PPP2R2B: variants seen among roughly 807,000 people sequenced by gnomAD.
PPP2R2B encodes serine/threonine-protein phosphatase 2A 55 kDa regulatory subunit B beta isoform.
PPP2R2B carries 5 observed loss-of-function variants against 46.0 expected under a neutral mutation model. The ratio of observed to expected loss-of-function variants is 0.11; its 90% confidence interval spans 0.06 to 0.23. The LOEUF (loss-of-function observed/expected upper bound fraction) is 0.23, where lower values mean the gene tolerates loss of function less well. Ranked by LOEUF, PPP2R2B falls within the 10% of genes least tolerant of loss-of-function variation. PPP2R2B has a pLI of 1.00. For synonymous variants in PPP2R2B, 215 were observed against 206.7 expected, an observed-to-expected ratio of 1.04 and a Z score of -0.34; for missense variants, 367 against 575.0, an observed-to-expected ratio of 0.64 and a Z score of 3.70.
chr5:146,952,354 C>T (rs1030130085), intron 1 of PPP2R2B, among the ~76,000 whole-genome samples: 22 of 152,048 alleles, frequency 1.4e-4, no homozygotes, highest in Admixed American at 4.6e-4. Context: ...GCTGGGGCAC[C>T]TCTTTTCCAT....
chr5:146,799,304 T>C (rs2151303349), intron 2 of PPP2R2B, among the ~76,000 whole-genome samples: 1 of 152,284 alleles, frequency 6.6e-6, no homozygotes, highest in African/African-American at 2.4e-5. Context: ...AGAATGAATA[T>C]GAAAGATTTG....
intron 2 of PPP2R2B, among the ~76,000 whole-genome samples, chr5:146,873,150 T>G (rs1377508939): frequency 6.6e-6 from 1 of 152,226 alleles, no homozygotes; most frequent in Non-Finnish European, 1.5e-5. Flanking sequence ...TCCATTTTCA[T>G]GGCAAAATTC....
At chr5:146,942,085 C>T (rs1764339986) in intron 1 of PPP2R2B, among the ~76,000 whole-genome samples, 1 of 152,120 alleles carries the variant, frequency 6.6e-6, no homozygotes, top group Non-Finnish European at 1.5e-5. Flanking sequence ...TGGATCAGGG[C>T]CCACTCTAAT....
chr5:146,791,388 T>A (rs1325798606), intron 2 of PPP2R2B, among the ~76,000 whole-genome samples: 1 of 152,134 alleles, frequency 6.6e-6, no homozygotes, highest in Non-Finnish European at 1.5e-5. Context: ...TTCAGCCCAA[T>A]CTGCTGTGTG....
intron 1 of PPP2R2B, among the ~76,000 whole-genome samples, chr5:146,983,176 A>T (rs1379651275): frequency 9.6e-4 from 78 of 80,854 alleles, no homozygotes; most frequent in Admixed American, 2.4e-3. Flanking sequence ...TTTCCAGAGC[A>T]TTTTTTTTTT....
At chr5:146,883,796 G>A (rs764425508) in intron 1 of PPP2R2B, among the ~76,000 whole-genome samples, 1 of 152,114 alleles carries the variant, frequency 6.6e-6, no homozygotes. Flanking sequence ...TTTAATCTGG[G>A]AAAAGAAAAG....
intron 2 of PPP2R2B, among the ~76,000 whole-genome samples, chr5:147,074,896 G>A (rs1757715222): frequency 1.3e-5 from 2 of 152,244 alleles, no homozygotes; most frequent in East Asian, 1.9e-4. Context: ...AGGAAAAAAT[G>A]TGATGCCCAT....
At chr5:146,843,088 G>A (rs977312307) in intron 2 of PPP2R2B, among the ~76,000 whole-genome samples, 1 of 152,230 alleles carries the variant, frequency 6.6e-6, no homozygotes, top group Admixed American at 6.5e-5. Context: ...TCGGAAGGCC[G>A]AGGCAGGAGA....
chr5:146,609,570 CATCT>C (rs1477098170), intron 7 of PPP2R2B, among the ~76,000 whole-genome samples: 18 of 151,502 alleles, frequency 1.2e-4, no homozygotes, highest in South Asian at 2.1e-4. Context: ...TCTGCATTTC[CATCT>C]GAGGTACCGG....
intron 2 of PPP2R2B, among the ~76,000 whole-genome samples, chr5:146,816,118 T>A (rs956148829): frequency 1.1e-4 from 16 of 152,182 alleles, no homozygotes; most frequent in Admixed American, 9.8e-4. Flanking sequence ...ACACTTACAG[T>A]ATTATTAATA....
At position 146,804,335 on chromosome 5, in the gene PPP2R2B, C is replaced by T. The variant is rs542168617; in HGVS notation, c.70+73667G>A. On this transcript the variant is annotated intron_variant, in intron 2 of 9. Coordinates refer to ENST00000394411, the MANE Select transcript of PPP2R2B (RefSeq NM_181675.4). The stretch of plus-strand genomic sequence containing the variant: ...TCTGTTTTTAAAGATGAGAGGAATC[C>T]GATGCTTAGAGAAGACCAGTGACTT... Among the ~76,000 whole-genome samples the T allele has an allele frequency of 4.7e-4, 72 of 152,060 alleles. No individual in the cohort carries two copies. The South Asian group carries it at 7.7e-3, about 16-fold the overall frequency.
intron 1 of PPP2R2B, chr5:147,035,362 C>G (rs1755987730): frequency 2.1e-5 from 6 of 279,782 alleles, no homozygotes; most frequent in South Asian, 1.7e-4. Context: ...CCCCCATGAT[C>G]CAATCACCTC....
chr5:146,666,974 C>A (rs1777017966), intron 5 of PPP2R2B, among the ~76,000 whole-genome samples: 1 of 152,116 alleles, frequency 6.6e-6, no homozygotes, highest in South Asian at 2.1e-4. Flanking sequence ...CCTCCTAGAT[C>A]TGTTGCTTTC....
intron 2 of PPP2R2B, among the ~76,000 whole-genome samples, chr5:146,731,689 CT>C (rs1185018494): frequency 6.6e-6 from 1 of 152,178 alleles, no homozygotes; most frequent in Non-Finnish European, 1.5e-5. Context: ...AATCTTTCCA[CT>C]TTTCATGAAG....
chr5:146,587,349 C>G lies in PPP2R2B; in HGVS notation c.*2598G>C, dbSNP rs993085665. Reference sequence around the variant, plus strand: ...CGTCCAGGAGTCTTGGGTGTTTGCTCTAATGCATCCTTTGCAGGGGATGGA... The same window carrying G: ...CGTCCAGGAGTCTTGGGTGTTTGCTGTAATGCATCCTTTGCAGGGGATGGA... On this transcript the variant is annotated 3_prime_UTR_variant, in exon 10 of 10. Transcript: ENST00000394411. The G allele has an allele frequency of 6.6e-6, 1 of 152,218 alleles. No homozygotes were observed. The highest frequency in any genetic ancestry group is 2.4e-5 in the African/African-American group (1 of 41,448). 9.4% of individuals were successfully genotyped at this position (152,218 alleles called of 1,614,324 possible).
chr5:146,794,488 C>T (rs200253613), intron 2 of PPP2R2B, among the ~76,000 whole-genome samples: 1 of 152,206 alleles, frequency 6.6e-6, no homozygotes, highest in African/African-American at 2.4e-5. Flanking sequence ...ACTGTACTTA[C>T]AATAAACTGC....
chr5:146,680,123 T>A (rs1055850742), intron 5 of PPP2R2B, among the ~76,000 whole-genome samples: 1 of 151,554 alleles, frequency 6.6e-6, no homozygotes, highest in South Asian at 2.1e-4. Context: ...TTATTCACGA[T>A]AGCAAAGACT....
intron 2 of PPP2R2B, among the ~76,000 whole-genome samples, chr5:146,763,758 T>G (rs2151257466): frequency 6.6e-6 from 1 of 152,322 alleles, no homozygotes; most frequent in Non-Finnish European, 1.5e-5. Context: ...GGTCTTGCTC[T>G]GTCTCTCAGG....
intron 2 of PPP2R2B, chr5:146,707,247 C>T (rs1471798841): frequency 2.5e-6 from 4 of 1,588,802 alleles, no homozygotes; most frequent in Non-Finnish European, 3.4e-6. Context: ...GGAGGCTCCA[C>T]TTGGTCTCCA....
Sources: gnomAD v4.1 joint callset for allele counts (sites outside exome capture counted in the v4.1 genomes callset) on GRCh38, gnomAD v4.1.1 for gene constraint, MANE v1.5 for transcripts, NCBI Gene and HGNC (gene_info 2026-07-23, HGNC 2026-07-21) for gene names.